The following STON2 variants were observed in gnomAD, a reference collection of about 807,000 sequenced individuals.
The protein encoded by STON2 is stonin-2.
Under a neutral mutation model 65.7 loss-of-function variants are expected in STON2, and 29 were observed. The observed-to-expected ratio is 0.44, with a 90% confidence interval of 0.33 to 0.60. STON2 has a LOEUF of 0.60. Among genes scored for constraint, STON2 ranks in the 20% least tolerant of loss-of-function variants. The probability of loss-of-function intolerance (pLI) is 0.03; values close to 1 mark genes in which losing one functional copy is unlikely to be tolerated. For missense variants in STON2, 1,054 were observed against 1,118.1 expected, an observed-to-expected ratio of 0.94 and a Z score of 0.82; for synonymous variants, 404 against 414.2, an observed-to-expected ratio of 0.98 and a Z score of 0.30.
intron 5 of STON2, among the ~76,000 whole-genome samples, chr14:81,279,642 G>C (rs1895026307): frequency 6.6e-6 from 1 of 151,930 alleles, no homozygotes; most frequent in African/African-American, 2.4e-5. Context: ...AGTCAGCGGA[G>C]ATTGTGCCAC....
At chr14:81,430,357 T>A (rs1453499621) in intron 1 of STON2, among the ~76,000 whole-genome samples, 1 of 152,218 alleles carries the variant, frequency 6.6e-6, no homozygotes, top group Non-Finnish European at 1.5e-5. Flanking sequence ...CCTCGTAACG[T>A]TCTCCTCAAA....
At chr14:81,307,030 G>A (rs1896209938) in intron 5 of STON2, among the ~76,000 whole-genome samples, 1 of 152,182 alleles carries the variant, frequency 6.6e-6, no homozygotes. Context: ...GCAAGCATGG[G>A]GAGGTGCACA....
At chr14:81,416,345 A>G (rs1178492186) in intron 2 of STON2, among the ~76,000 whole-genome samples, 2 of 152,236 alleles carry the variant, frequency 1.3e-5, no homozygotes, top group African/African-American at 2.4e-5. Context: ...GCATTCAGGA[A>G]GTGAAAGTGC....
intron 5 of STON2, among the ~76,000 whole-genome samples, chr14:81,281,534 T>C (rs1468504681): frequency 2.0e-5 from 3 of 152,220 alleles, no homozygotes; most frequent in African/African-American, 4.8e-5. Context: ...GCTCACCCTG[T>C]AGTTTAAAAC....
chr14:81,402,865 G>A (rs1375581072), upstream of STON2, among the ~76,000 whole-genome samples: 1 of 152,136 alleles, frequency 6.6e-6, no homozygotes, highest in East Asian at 1.9e-4. Flanking sequence ...CCTGAAAATG[G>A]CTATGCTACA....
intron 4 of STON2, among the ~76,000 whole-genome samples, chr14:81,336,427 C>T (rs1413866942): frequency 6.6e-6 from 1 of 152,012 alleles, no homozygotes; most frequent in Admixed American, 6.6e-5. Flanking sequence ...ACTTCTACTC[C>T]AGTGCTTACT....
intron 3 of STON2, among the ~76,000 whole-genome samples, chr14:81,388,580 T>C (rs1461564312): frequency 2.6e-5 from 4 of 152,190 alleles, no homozygotes; most frequent in African/African-American, 9.7e-5. Context: ...TTAATGACAG[T>C]CTCTTTGTCC....
At chr14:81,383,221 A>C (rs1348779449) in intron 3 of STON2, among the ~76,000 whole-genome samples, 2 of 152,198 alleles carry the variant, frequency 1.3e-5, no homozygotes, top group Non-Finnish European at 2.9e-5. Context: ...TGCATACCAA[A>C]TCCAGCCCTG....
In STON2 at chr14:81,263,746, A is replaced by G. The variant is rs1188978944; in HGVS notation, c.*4668T>C. 8 of 985,202 alleles carry G rather than the reference A, an allele frequency of 8.1e-6. No individual in the cohort carries two copies. The African/African-American group carries it at 1.4e-4, about 17-fold the overall frequency. 61.0% of individuals were successfully genotyped at this position (985,202 alleles called of 1,614,324 possible). A position where few individuals can be genotyped will look rare whatever the true frequency, so the allele number is the denominator to read the frequency against. ...TATAATCCTCATTTTTAGAAGAGTT[A>G]AAGTTACCACTCGAACTGGGAGCAT... On this transcript the variant is annotated 3_prime_UTR_variant, in exon 8 of 8. Transcript: ENST00000614646.
chr14:81,274,248 A>T (rs1894715791), intron 6 of STON2, among the ~76,000 whole-genome samples: 1 of 152,206 alleles, frequency 6.6e-6, no homozygotes. Context: ...TTGTTATATA[A>T]CCATGACAGC....
chr14:81,399,555 T>C (rs79176155), intron 1 of STON2, among the ~76,000 whole-genome samples: 2,451 of 152,246 alleles, frequency 0.016, 77 homozygotes, highest in African/African-American at 0.057. Flanking sequence ...GGTGGGAAAA[T>C]CGGTAAAAAC....
chr14:81,289,493 T>C (rs1442640541), intron 5 of STON2, among the ~76,000 whole-genome samples: 4 of 152,122 alleles, frequency 2.6e-5, no homozygotes, highest in South Asian at 2.1e-4. Flanking sequence ...CAGGGGAGAA[T>C]AGCTGAAGAC....
At chr14:81,344,585 T>C (rs557074554) in intron 4 of STON2, among the ~76,000 whole-genome samples, 6 of 152,350 alleles carry the variant, frequency 3.9e-5, no homozygotes, top group East Asian at 1.9e-4. Flanking sequence ...TTTGCTAATA[T>C]AAACACTGCA....
chr14:81,280,575 A>G (rs1169952965), intron 5 of STON2, among the ~76,000 whole-genome samples: 1 of 152,188 alleles, frequency 6.6e-6, no homozygotes, highest in Non-Finnish European at 1.5e-5. Flanking sequence ...CTTCATGCAT[A>G]TCACATCCAA....
chr14:81,308,859 CAT>C (rs1896310625), intron 5 of STON2, among the ~76,000 whole-genome samples: 1 of 12,886 alleles, frequency 7.8e-5, no homozygotes, highest in African/African-American at 3.2e-4. Flanking sequence ...TATACACATA[CAT>C]ACATACATAC....
chr14:81,357,444 T>TGG (rs1898291193), intron 4 of STON2, among the ~76,000 whole-genome samples: 4 of 151,672 alleles, frequency 2.6e-5, no homozygotes, highest in Non-Finnish European at 5.9e-5. Context: ...ACTTTTACAC[T>TGG]GTTGGTGGGA....
At chr14:81,381,712 T>C (rs1056908830) in intron 3 of STON2, among the ~76,000 whole-genome samples, 1 of 152,192 alleles carries the variant, frequency 6.6e-6, no homozygotes, top group African/African-American at 2.4e-5. Flanking sequence ...GTGTCTTTCA[T>C]GTACAGCTGG....
intron 3 of STON2, among the ~76,000 whole-genome samples, chr14:81,381,071 ATATATT>A (rs1202717700): frequency 6.6e-6 from 1 of 152,216 alleles, no homozygotes; most frequent in African/African-American, 2.4e-5. Flanking sequence ...GTTTTGAGTA[ATATATT>A]TATAAGTATT....
At chr14:81,353,975 A>G (rs1300272410) in intron 4 of STON2, among the ~76,000 whole-genome samples, 1 of 152,256 alleles carries the variant, frequency 6.6e-6, no homozygotes, top group African/African-American at 2.4e-5. Context: ...CCAAGGCGCC[A>G]CATGGTAAGG....
Sources: allele counts gnomAD v4.1 joint callset (sites outside exome capture counted in the v4.1 genomes callset), GRCh38; gene constraint gnomAD v4.1.1; transcripts MANE v1.5; gene names NCBI Gene and HGNC (gene_info 2026-07-23, HGNC 2026-07-21).